CNTNAP1: variants seen among roughly 807,000 people sequenced by gnomAD.
CNTNAP1 encodes the protein contactin-associated protein 1.
In CNTNAP1, 80 loss-of-function variants were observed where a neutral mutation model predicts 161.5. The ratio of observed to expected loss-of-function variants is 0.50; its 90% confidence interval spans 0.41 to 0.60. CNTNAP1 has a LOEUF of 0.60. Ranked by LOEUF, CNTNAP1 falls within the 20% of genes least tolerant of loss-of-function variation. The probability of loss-of-function intolerance (pLI) is 0.00; values close to 1 mark genes in which losing one functional copy is unlikely to be tolerated. For synonymous variants in CNTNAP1, 695 were observed against 733.1 expected (o/e 0.95, Z 0.84); for missense variants, 1,464 against 1,854.8 (o/e 0.79, Z 3.87).
intron 6 of CNTNAP1, among the ~76,000 whole-genome samples, chr17:42,686,469 GTTTTT>G (rs748366958): frequency 1.1e-4 from 8 of 71,362 alleles, no homozygotes; most frequent in Admixed American, 1.7e-4. Context: ...AAAAAGGCCT[GTTTTT>G]TTTTTTTTTT....
In CNTNAP1 at chr17:42,691,368, C is replaced by T. The variant is rs2143664099; in HGVS notation, c.2217-16C>T. 1.9e-6 allele frequency: 3 copies of T among 1,614,086 alleles called. No individual in the cohort carries two copies. Among genetic ancestry groups the T allele is most frequent in the Middle Eastern group, 1.6e-4 (1 of 6,062 alleles). On this transcript the variant is annotated splice_polypyrimidine_tract_variant and intron_variant, in intron 14 of 23. Coordinates refer to ENST00000264638, the MANE Select transcript of CNTNAP1 (RefSeq NM_003632.3). This position sits in a 1 kb window ranked among gnomAD's most constrained non-coding sequence, Gnocchi z 4.3. The stretch of plus-strand genomic sequence containing the variant: ...CTGAGTGGCTGGGGCTGAGCCATGA[C>T]ATCCTGCCCCCACAGGAGAACTGAC...
Position 42,686,919 on chromosome 17 carries a change from T to C in CNTNAP1, c.917T>C (p.Leu306Pro), listed in dbSNP as rs1315392585. 2 of 1,609,052 alleles carry C rather than the reference T, an allele frequency of 1.2e-6. No homozygotes were observed. Among genetic ancestry groups the C allele is most frequent in the Non-Finnish European group, 1.7e-6 (2 of 1,176,366 alleles). ...NLDTEMFIGG[L>P]VGAARKNLAY... ...CTCCCGCAGATGTTCATCGGAGGTCTGGTGGGCGCCGCGCGGAAGAACCTG... is the reference window on the plus strand; with the variant it reads ...CTCCCGCAGATGTTCATCGGAGGTCCGGTGGGCGCCGCGCGGAAGAACCTG... The change falls in exon 7 of 24, where the codon CTG (leucine) becomes CCG (proline). Residue 306 changes from leucine (L) to proline (P), a missense_variant. Transcript: ENST00000264638.
chr17:42,691,663 T>A lies in CNTNAP1; in HGVS notation c.2345-143T>A. ...TCATTACCCCTCTGCACCTGGCTCC[T>A]CTTTCATTCCACTCCTTAGTCTCCC... On this transcript the variant is annotated intron_variant, in intron 15 of 23. Coordinates refer to ENST00000264638, the MANE Select transcript of CNTNAP1 (RefSeq NM_003632.3). The surrounding 1 kb of genome is among the most constrained non-coding windows in gnomAD (Gnocchi z 4.3). 1 of 1,367,036 alleles carries A rather than the reference T, an allele frequency of 7.3e-7. No individual in the cohort carries two copies. Among genetic ancestry groups the A allele is most frequent in the South Asian group, 1.3e-5 (1 of 76,152 alleles). The allele number at this position is 1,367,036 out of a possible 1,614,324, so 84.7% of individuals were successfully genotyped here.
rs901180653 is a variant in CNTNAP1, at chr17:42,698,727, C to T, written c.3972C>T (p.His1324=). 6.8e-6 allele frequency: 11 copies of T among 1,613,642 alleles called. No individual in the cohort carries two copies. The highest frequency in any genetic ancestry group is 3.3e-5 in the South Asian group (3 of 91,064). ...SYHTNEPKAA[H]EYHPGSKPPL... is the part of the protein sequence containing the mutation. The stretch of plus-strand genomic sequence containing the variant: ...ATACCAATGAGCCCAAGGCTGCCCA[C>T]GAGTACCATCCTGGCAGCAAACCTC... The change falls in exon 24 of 24, where the codon CAC becomes CAT. Residue 1324 remains histidine, a synonymous_variant. Transcript: ENST00000264638.
At position 42,685,283 on chromosome 17, in the gene CNTNAP1, G is replaced by T; in HGVS notation, c.578G>T (p.Arg193Leu). The T allele has an allele frequency of 6.2e-7, 1 of 1,613,646 alleles. No homozygotes were observed. The highest frequency in any genetic ancestry group is 8.5e-7 in the Non-Finnish European group (1 of 1,180,034). ...TACCGCTTCCCGCGAGGGGTCAGCC[G>T]AAGCCTGTGGGACGTGTTCGCCTTC... ...ISYRFPRGVS[R>L]SLWDVFAFSF... is the part of the protein sequence containing the mutation. The change falls in exon 5 of 24, where the codon CGA becomes CTA. Residue 193 changes from arginine (R) to leucine (L), a missense_variant. This residue lies in a region of CNTNAP1 where 1,383 missense variants were observed against 1,765.0 expected (regional missense o/e 0.78). Coordinates refer to ENST00000264638, the MANE Select transcript of CNTNAP1 (RefSeq NM_003632.3). This position sits in a 1 kb window ranked among gnomAD's most constrained non-coding sequence, Gnocchi z 5.0.
chr17:42,688,822 G>A (rs1428886348), intron 9 of CNTNAP1, 54 bp from the exon 10 acceptor site: 4 of 1,603,876 alleles, frequency 2.5e-6, no homozygotes, highest in East Asian at 2.2e-5. Flanking sequence ...TGTCCCTGGG[G>A]GAGGGTCTTT....
rs2053031111 is a variant in CNTNAP1, at chr17:42,687,355, G to A, written c.1044+309G>A. The A allele has an allele frequency of 2.0e-6, 1 of 495,766 alleles. No individual in the cohort carries two copies. The highest frequency in any genetic ancestry group is 3.6e-5 in the Admixed American group (1 of 27,796). The allele number at this position is 495,766 out of a possible 1,614,324, so 30.7% of individuals were successfully genotyped here. On this transcript the variant is annotated intron_variant, in intron 7 of 23. Transcript: ENST00000264638. This position sits in a 1 kb window ranked among gnomAD's most constrained non-coding sequence, Gnocchi z 4.7. ...CGGTGGCTGAGTAGGGACTTGAACC[G>A]ATGGCTTCTCTGATATGCCCCCCTC...
chr17:42,688,926 T>C lies in CNTNAP1; in HGVS notation c.1507T>C (p.Phe503Leu), dbSNP rs373250430. 18 of 1,613,998 alleles carry C rather than the reference T, an allele frequency of 1.1e-5. No homozygotes were observed. Among genetic ancestry groups the C allele is most frequent in the Non-Finnish European group, 1.5e-5 (18 of 1,180,008 alleles). ...GGACTGCCACTCCAACCAGACGGCATTCCATGGCTGCATGGAGCTGCTCAA... is the reference window on the plus strand; with the variant it reads ...GGACTGCCACTCCAACCAGACGGCACTCCATGGCTGCATGGAGCTGCTCAA... ...RWDCHSNQTA[F>L]HGCMELLKVD... Residue 503 changes from phenylalanine to leucine, a missense_variant, in exon 10 of 24, where the codon TTC becomes CTC. Transcript: ENST00000264638.
rs71276881 is a variant in CNTNAP1 at position 42,698,445 on chromosome 17, A to ATG, written c.3863-138_3863-137dup. On this transcript the variant is annotated intron_variant, in intron 23 of 23. Transcript: ENST00000264638. ...ACATTATGCTTTTGGCCAAAAGTAA[A>ATG]TGTGTGTGTGTGTGTGTGTGTGTGT... Among the ~76,000 whole-genome samples the ATG allele has an allele frequency of 0.082, 11,409 of 139,342 alleles. 609 individuals carry two copies. Among genetic ancestry groups the ATG allele is most frequent in the East Asian group, 0.22 (1,023 of 4,718 alleles). 91.4% of individuals were successfully genotyped at this position (139,342 alleles called of 152,430 possible). A position where few individuals can be genotyped will look rare whatever the true frequency, so the allele number is the denominator to read the frequency against.
chr17:42,685,113 G>C lies in CNTNAP1; in HGVS notation c.486G>C (p.Arg162Ser). ...ACCCACGCGGCAAGATCGGCCTGAG[G>C]CTCGGCCTCTATGGCTGCCCATACA... ...AWNPRGKIGL[R>S]LGLYGCPYKA... Residue 162 changes from arginine to serine, a missense_variant, in exon 4 of 24, where the codon AGG becomes AGC. This residue lies in a region of CNTNAP1 where 1,383 missense variants were observed against 1,765.0 expected (regional missense o/e 0.78). Coordinates refer to ENST00000264638, the MANE Select transcript of CNTNAP1 (RefSeq NM_003632.3). This position sits in a 1 kb window ranked among gnomAD's most constrained non-coding sequence, Gnocchi z 5.0. 6.3e-7 allele frequency: 1 copy of C among 1,583,752 alleles called. No individual in the cohort carries two copies. The highest frequency in any genetic ancestry group is 8.6e-7 in the Non-Finnish European group (1 of 1,163,554).
In CNTNAP1 at chr17:42,689,552, C is replaced by T. The variant is rs377444768; in HGVS notation, c.1660C>T (p.Arg554Cys). ...CSPNMCEHDG[R>C]CYQSWDDFIC... ...CCCTAACATGTGTGAGCATGATGGA[C>T]GCTGCTACCAGTCTTGGGATGACTT... is the stretch of plus-strand genomic sequence containing the variant. The change falls in exon 11 of 24, where the codon CGC becomes TGC. Residue 554 changes from arginine to cysteine, a missense_variant. By Grantham distance (180) the Arg-to-Cys change is radical. Coordinates refer to ENST00000264638, the MANE Select transcript of CNTNAP1 (RefSeq NM_003632.3). 23 of 1,613,582 alleles carry T rather than the reference C, an allele frequency of 1.4e-5. No homozygotes were observed. Among genetic ancestry groups the T allele is most frequent in the South Asian group, 4.4e-5 (4 of 91,068 alleles).
rs2052985178 is a variant in CNTNAP1 at position 42,684,983 on chromosome 17, C to T, written c.364-8C>T. The T allele has an allele frequency of 6.2e-6, 10 of 1,606,880 alleles. 1 individual carries two copies. The East Asian group carries it at 2.2e-4, about 36-fold the overall frequency. ...GGACGTGGTTACTACTCTCCTCCAC[C>T]CCCGCAGACCTTCTTTGGTAACGTG... On this transcript the variant is annotated splice_polypyrimidine_tract_variant and splice_region_variant and intron_variant, in intron 3 of 23. Transcript: ENST00000264638.
At chr17:42,694,780 C>T (rs997063905) in intron 18 of CNTNAP1, among the ~76,000 whole-genome samples, 9 of 152,140 alleles carry the variant, frequency 5.9e-5, no homozygotes, top group African/African-American at 1.7e-4. Context: ...TTGACATTCC[C>T]CATAGCAAGA....
rs1285263627 is a variant in CNTNAP1 at position 42,684,241 on chromosome 17, G to T, written c.363+12G>T. The stretch of plus-strand genomic sequence containing the variant: ...GAGGGCACAACTCGGTACTCTGGGC[G>T]CCAAGGCGGTAACACTTGGGGAGCT... On this transcript the variant is annotated intron_variant, in intron 3 of 23. Transcript: ENST00000264638. 1 of 1,606,974 alleles carries T rather than the reference G, an allele frequency of 6.2e-7. No individual in the cohort carries two copies. Among genetic ancestry groups the T allele is most frequent in the South Asian group, 1.1e-5 (1 of 90,638 alleles).
intron 13 of CNTNAP1, 34 bp downstream of exon 13, chr17:42,690,976 G>A (rs1235262900): frequency 6.2e-7 from 1 of 1,612,070 alleles, no homozygotes; most frequent in Non-Finnish European, 8.5e-7. Flanking sequence ...GGCGGAACTG[G>A]AGGAGACACC....
chr17:42,689,469 A>C, intron 10 of CNTNAP1, 52 bp from the exon 11 acceptor site: 3 of 1,423,480 alleles, frequency 2.1e-6, no homozygotes, highest in Non-Finnish European at 2.9e-6. Flanking sequence ...ATCAGACCCC[A>C]CTCTCCAGCT....
chr17:42,682,873 C>T lies in CNTNAP1; in HGVS notation c.44C>T (p.Ser15Leu). 1.9e-6 allele frequency: 3 copies of T among 1,601,186 alleles called. No homozygotes were observed. Among genetic ancestry groups the T allele is most frequent in the Non-Finnish European group, 2.6e-6 (3 of 1,174,766 alleles). Residue 15 changes from serine to leucine, a missense_variant, in exon 1 of 24, where the codon TCA becomes TTA. Coordinates refer to ENST00000264638, the MANE Select transcript of CNTNAP1 (RefSeq NM_003632.3). ...RLFCILLAAV[S>L]GAEGWGYYGC... ...TTCTGCATCCTGCTCGCCGCGGTCT[C>T]AGGAGCCGAGGGCTGGGGCTACTGT...
intron 3 of CNTNAP1, among the ~76,000 whole-genome samples, chr17:42,684,527 CTG>C (rs754759774): frequency 1.3e-5 from 2 of 152,170 alleles, no homozygotes; most frequent in Non-Finnish European, 2.9e-5. Context: ...TTTATGGAAA[CTG>C]TGCGGGCAAA....
chr17:42,682,840 TC>T lies in CNTNAP1; in HGVS notation c.13del (p.Arg5GlyfsTer54). Reference sequence around the variant, plus strand: ...GACCGTCAGCCCTGCATGATGCATCTCCGGCTCTTCTGCATCCTGCTCGCCG... The same window carrying T: ...GACCGTCAGCCCTGCATGATGCATCTCGGCTCTTCTGCATCCTGCTCGCCG... The part of the protein sequence containing the change: MMH[L>X]RLFCILLAAV... On this transcript the variant is annotated frameshift_variant, in exon 1 of 24. Transcript: ENST00000264638. LOFTEE classifies it high-confidence loss of function. The T allele has an allele frequency of 6.3e-7, 1 of 1,585,308 alleles. No individual in the cohort carries two copies. The highest frequency in any genetic ancestry group is 8.6e-7 in the Non-Finnish European group (1 of 1,167,118).
Sources: allele counts gnomAD v4.1 joint callset (sites outside exome capture counted in the v4.1 genomes callset), GRCh38; gene constraint gnomAD v4.1.1; regional missense constraint gnomAD v4.1.1; non-coding constraint Gnocchi (gnomAD v3.1); transcripts MANE v1.5; gene names NCBI Gene and HGNC (gene_info 2026-07-23, HGNC 2026-07-21).